The following CTNNA2 variants were observed in gnomAD, a reference collection of about 807,000 sequenced individuals.
CTNNA2 encodes the protein catenin alpha-2.
Under a neutral mutation model 101.0 loss-of-function variants are expected in CTNNA2, and 42 were observed. That is an observed-to-expected ratio of 0.42 (90% CI 0.32 to 0.54). CTNNA2 has a LOEUF of 0.54. Among genes scored for constraint, CTNNA2 ranks in the 20% least tolerant of loss-of-function variants. The pLI, the probability that CTNNA2 is intolerant of heterozygous loss-of-function variation, is 0.14. For synonymous variants in CTNNA2, 450 were observed against 456.4 expected (o/e 0.99, Z 0.18); for missense variants, 871 against 1,223.1 (o/e 0.71, Z 4.29).
chr2:79,285,620 A>T (rs374584324), intron 2 of CTNNA2, among the ~76,000 whole-genome samples: 1 of 100,804 alleles, frequency 9.9e-6, no homozygotes, highest in East Asian at 2.6e-4. Context: ...TCTGAGAGAT[A>T]GTTTGTTATA....
chr2:79,385,310 AT>A (rs1406201550), intron 4 of CTNNA2, among the ~76,000 whole-genome samples: 2 of 152,168 alleles, frequency 1.3e-5, no homozygotes, highest in African/African-American at 2.4e-5. Context: ...TTGCCGTCTT[AT>A]TTTGGTGTAA....
chr2:79,691,122 C>G (rs79415585), intron 2 of CTNNA2, among the ~76,000 whole-genome samples: 12,327 of 151,868 alleles, frequency 0.081, 552 homozygotes, highest in Non-Finnish European at 0.1. Flanking sequence ...CTCTGTAAAA[C>G]TATAATAACT....
At chr2:79,333,413 A>G (rs572648259) in intron 3 of CTNNA2, among the ~76,000 whole-genome samples, 2 of 152,196 alleles carry the variant, frequency 1.3e-5, no homozygotes, top group African/African-American at 4.8e-5. Flanking sequence ...CTAGAAAAGA[A>G]GTAAACAAAA....
chr2:80,521,827 T>G (rs1023941394), intron 9 of CTNNA2, among the ~76,000 whole-genome samples: 1 of 152,178 alleles, frequency 6.6e-6, no homozygotes, highest in Non-Finnish European at 1.5e-5. Flanking sequence ...CTGAAGCCAT[T>G]AAAGTTGTAA....
chr2:80,065,979 A>G (rs956969395), intron 7 of CTNNA2, among the ~76,000 whole-genome samples: 1 of 152,130 alleles, frequency 6.6e-6, no homozygotes, highest in Admixed American at 6.5e-5. Context: ...ACTTTACCCA[A>G]ACTTGTTCCT....
chr2:80,260,563 TG>T (rs1223090992), intron 7 of CTNNA2, among the ~76,000 whole-genome samples: 2 of 152,116 alleles, frequency 1.3e-5, no homozygotes, highest in Non-Finnish European at 2.9e-5. Flanking sequence ...GTTATTTCGT[TG>T]TTTTGTTTTT....
In CTNNA2 at chr2:79,649,877, A is replaced by G. The variant is rs149059717; in HGVS notation, c.-5-1675A>G. Among the ~76,000 whole-genome samples the G allele has an allele frequency of 8.5e-3, 1,293 of 152,244 alleles. 27 individuals carry two copies. The highest frequency in any genetic ancestry group is 0.028 in the African/African-American group (1,176 of 41,552). Reference sequence around the variant, plus strand: ...TCTATTTGCAAAAGCTTTAGCTGTAAGAGAGCCAGTAAAGAGGCACATTTC... The same window carrying G: ...TCTATTTGCAAAAGCTTTAGCTGTAGGAGAGCCAGTAAAGAGGCACATTTC... On this transcript the variant is annotated intron_variant, in intron 1 of 18. Coordinates refer to ENST00000402739, the MANE Select transcript of CTNNA2 (RefSeq NM_001282597.3).
At chr2:80,113,761 G>T (rs1479988680) in intron 7 of CTNNA2, among the ~76,000 whole-genome samples, 1 of 152,128 alleles carries the variant, frequency 6.6e-6, no homozygotes, top group African/African-American at 2.4e-5. Flanking sequence ...TTTTTAAAAA[G>T]ATATTTAAAT....
At chr2:79,326,791 C>A (rs969240196) in intron 3 of CTNNA2, among the ~76,000 whole-genome samples, 15 of 152,106 alleles carry the variant, frequency 9.9e-5, no homozygotes, top group Admixed American at 8.5e-4. Flanking sequence ...AATTGAAAAA[C>A]CAAGTGTAGA....
At chr2:79,424,276 T>C (rs1482395944) in intron 4 of CTNNA2, among the ~76,000 whole-genome samples, 2 of 152,152 alleles carry the variant, frequency 1.3e-5, no homozygotes, top group Non-Finnish European at 2.9e-5. Context: ...TTATTCAGAA[T>C]TACATTCTCT....
At position 80,036,568 on chromosome 2, in the gene CTNNA2, G is replaced by C. The variant is rs1037474154; in HGVS notation, c.1056+126771G>C. On this transcript the variant is annotated intron_variant, in intron 7 of 18. Transcript: ENST00000402739. The stretch of plus-strand genomic sequence containing the variant: ...TGCAGTGAGCTATGATAGCACCACT[G>C]TACTTTAGCCTGGGCAACAGAGTGA... Among the ~76,000 whole-genome samples the C allele has an allele frequency of 3.3e-5, 5 of 152,114 alleles. No individual in the cohort carries two copies. In the South Asian group the frequency reaches 1.0e-3, roughly 31 times the overall value.
chr2:80,512,568 A>T (rs1031806203), intron 9 of CTNNA2, among the ~76,000 whole-genome samples: 6 of 152,196 alleles, frequency 3.9e-5, no homozygotes, highest in African/African-American at 1.4e-4. Flanking sequence ...GACTCAGGTT[A>T]ACGTTTAAAA....
chr2:79,273,680 C>T (rs1675140156), intron 2 of CTNNA2, among the ~76,000 whole-genome samples: 1 of 152,042 alleles, frequency 6.6e-6, no homozygotes, highest in African/African-American at 2.4e-5. Flanking sequence ...GATGTTAGTT[C>T]TGTTTAGAAA....
At chr2:80,174,550 A>T (rs1705278205) in intron 7 of CTNNA2, among the ~76,000 whole-genome samples, 1 of 152,112 alleles carries the variant, frequency 6.6e-6, no homozygotes, top group Admixed American at 6.6e-5. Flanking sequence ...TCATGAACAC[A>T]TTCCTCTGAC....
intron 7 of CTNNA2, among the ~76,000 whole-genome samples, chr2:80,252,784 G>A (rs1671864735): frequency 1.3e-5 from 2 of 152,154 alleles, no homozygotes; most frequent in South Asian, 2.1e-4. Context: ...AGCTCACGAG[G>A]TTACAAGAGG....
intron 7 of CTNNA2, among the ~76,000 whole-genome samples, chr2:80,236,709 T>G (rs765555255): frequency 2.0e-5 from 3 of 152,168 alleles, no homozygotes; most frequent in South Asian, 2.1e-4. Context: ...TGAACTTGCT[T>G]TTATTTATCT....
At chr2:79,188,233 G>A (rs770550174) in intron 1 of CTNNA2, among the ~76,000 whole-genome samples, 12 of 152,098 alleles carry the variant, frequency 7.9e-5, no homozygotes, top group Admixed American at 2.0e-4. Context: ...AGATAAAATA[G>A]AGTAGAAAAG....
At chr2:79,321,224 G>T (rs1450468790) in intron 3 of CTNNA2, among the ~76,000 whole-genome samples, 1 of 152,122 alleles carries the variant, frequency 6.6e-6, no homozygotes, top group African/African-American at 2.4e-5. Context: ...GGCTTAAAGA[G>T]GTCAAGCAAC....
At chr2:79,227,094 C>T (rs1572988770) in intron 2 of CTNNA2, among the ~76,000 whole-genome samples, 1 of 152,136 alleles carries the variant, frequency 6.6e-6, no homozygotes, top group African/African-American at 2.4e-5. Flanking sequence ...TCACATTCAG[C>T]AGTCTCTTGA....
Sources: allele counts gnomAD v4.1 joint callset (sites outside exome capture counted in the v4.1 genomes callset), GRCh38; gene constraint gnomAD v4.1.1; transcripts MANE v1.5; gene names NCBI Gene and HGNC (gene_info 2026-07-23, HGNC 2026-07-21).